ABCC4: variants seen among roughly 807,000 people sequenced by gnomAD.
ABCC4 encodes the protein ATP binding cassette subfamily C member 4 (PEL blood group).
Under a neutral mutation model 168.5 loss-of-function variants are expected in ABCC4, and 102 were observed. The ratio of observed to expected loss-of-function variants is 0.61; its 90% CI spans 0.52 to 0.71. The LOEUF (loss-of-function observed/expected upper bound fraction) is 0.71, where lower values mean the gene tolerates loss of function less well. Among genes scored for constraint, ABCC4 ranks in the 30% least tolerant of loss-of-function variants. ABCC4 has a pLI of 0.00. For missense variants in ABCC4, 1,402 were observed against 1,605.8 expected (o/e 0.87, Z 2.17); for synonymous variants, 617 against 590.7 (o/e 1.04, Z -0.65).
chr13:95,185,334 T>C (rs1159862202), intron 11 of ABCC4, among the ~76,000 whole-genome samples: 1 of 152,200 alleles, frequency 6.6e-6, no homozygotes, highest in Non-Finnish European at 1.5e-5. Flanking sequence ...GTGTATACTA[T>C]TCAATAAAAA....
chr13:95,190,283 G>A (rs2038213689), intron 9 of ABCC4, among the ~76,000 whole-genome samples: 1 of 152,172 alleles, frequency 6.6e-6, no homozygotes, highest in Admixed American at 6.5e-5. Flanking sequence ...AGGTTGCAGT[G>A]AGCCAAGATT....
chr13:95,201,088 A>C (rs4148476), intron 8 of ABCC4, among the ~76,000 whole-genome samples: 21,972 of 152,106 alleles, frequency 0.14, 1,800 homozygotes, highest in South Asian at 0.19. Context: ...AACTATGTAC[A>C]TGAGGGGAAA....
intron 23 of ABCC4, among the ~76,000 whole-genome samples, chr13:95,073,811 G>A (rs2033809981): frequency 6.6e-6 from 1 of 152,164 alleles, no homozygotes; most frequent in Admixed American, 6.5e-5. Flanking sequence ...TGGCATTGAA[G>A]ATAATACTCT....
chr13:95,218,282 T>C (rs921783709), intron 4 of ABCC4, among the ~76,000 whole-genome samples: 1 of 152,332 alleles, frequency 6.6e-6, no homozygotes, highest in East Asian at 1.9e-4. Flanking sequence ...CTTTAATGAC[T>C]GCACAATCTA....
chr13:95,149,148 C>G (rs2036594231), intron 19 of ABCC4, among the ~76,000 whole-genome samples: 1 of 152,126 alleles, frequency 6.6e-6, no homozygotes, highest in Admixed American at 6.6e-5. Flanking sequence ...TTTTATTACC[C>G]CGGCTATTTA....
intron 19 of ABCC4, among the ~76,000 whole-genome samples, chr13:95,116,938 G>C (rs2139414683): frequency 6.6e-6 from 1 of 152,274 alleles, no homozygotes; most frequent in East Asian, 1.9e-4. Context: ...GGGTTTGTCA[G>C]GATTGACTTC....
At chr13:95,167,262 C>T (rs987755180) in intron 14 of ABCC4, among the ~76,000 whole-genome samples, 20 of 152,126 alleles carry the variant, frequency 1.3e-4, no homozygotes, top group African/African-American at 4.6e-4. Flanking sequence ...GAAAATTCGA[C>T]ATTCCATGGG....
intron 19 of ABCC4, among the ~76,000 whole-genome samples, chr13:95,117,889 A>G (rs1197829288): frequency 6.6e-6 from 1 of 152,100 alleles, no homozygotes; most frequent in Non-Finnish European, 1.5e-5. Flanking sequence ...GACCAGCCTG[A>G]GCAACATAGC....
chr13:95,179,103 G>A (rs1451772139), intron 11 of ABCC4, among the ~76,000 whole-genome samples: 1 of 152,204 alleles, frequency 6.6e-6, no homozygotes, highest in Non-Finnish European at 1.5e-5. Flanking sequence ...GGATAAGTGA[G>A]TCTGGAGGTC....
At chr13:95,153,561 T>C (rs533460289) in intron 19 of ABCC4, among the ~76,000 whole-genome samples, 13 of 152,292 alleles carry the variant, frequency 8.5e-5, no homozygotes, top group African/African-American at 2.9e-4. Context: ...TTAAGTAAAA[T>C]GTCATCTTAT....
intron 19 of ABCC4, among the ~76,000 whole-genome samples, chr13:95,134,159 C>T (rs1285554402): frequency 6.6e-6 from 1 of 152,130 alleles, no homozygotes; most frequent in African/African-American, 2.4e-5. Flanking sequence ...TCCTAGCCCT[C>T]TGTGAGCTTG....
chr13:95,293,087 C>G (rs769100012), intron 1 of ABCC4, among the ~76,000 whole-genome samples: 2 of 152,094 alleles, frequency 1.3e-5, no homozygotes, highest in Non-Finnish European at 2.9e-5. Context: ...GACATCTCAT[C>G]CCCTGCCAGG....
intron 5 of ABCC4, among the ~76,000 whole-genome samples, chr13:95,210,290 G>A (rs1053161956): frequency 2.0e-5 from 3 of 152,148 alleles, no homozygotes; most frequent in African/African-American, 4.8e-5. Context: ...ACCAGCCTGC[G>A]CAACAAGGCG....
At chr13:95,104,636 T>C (rs904815161) in intron 20 of ABCC4, among the ~76,000 whole-genome samples, 3 of 152,250 alleles carry the variant, frequency 2.0e-5, no homozygotes, top group African/African-American at 7.2e-5. Context: ...ATCTTTCTTG[T>C]GGCATTCCTG....
intron 20 of ABCC4, among the ~76,000 whole-genome samples, chr13:95,085,916 G>C (rs1342064440): frequency 2.0e-5 from 3 of 152,194 alleles, no homozygotes; most frequent in African/African-American, 7.2e-5. Flanking sequence ...GAGAGGTTCA[G>C]TAACTTCCTC....
Position 95,207,889 on chromosome 13 carries a change from C to T in ABCC4, c.822G>A (p.Arg274=), listed in dbSNP as rs2038827094. 6.2e-7 allele frequency: 1 copy of T among 1,613,812 alleles called. No homozygotes were observed. The highest frequency in any genetic ancestry group is 1.7e-5 in the Admixed American group (1 of 59,874). ...KTATFTDARI[R]TMNEVITGIR... ...TACCAGTTATAACTTCATTCATGGT[C>T]CTGATCCTGGCATCCGTGAAAGTTG... is the stretch of plus-strand genomic sequence containing the variant. Residue 274 remains arginine, a synonymous_variant, in exon 7 of 31, where the codon AGG becomes AGA. Transcript: ENST00000645237.
In ABCC4 at chr13:95,105,375, G is replaced by A. The variant is rs1334748024; in HGVS notation, c.2535+10547C>T. ...CAGACTAGTACTGGTCTGTGGCCCA[G>A]GGGTTGGGGACCACTGGATTAGTCA... On this transcript the variant is annotated intron_variant, in intron 20 of 30. Coordinates refer to ENST00000645237, the MANE Select transcript of ABCC4 (RefSeq NM_005845.5). Among the ~76,000 whole-genome samples the A allele has an allele frequency of 2.6e-5, 4 of 152,072 alleles. No individual in the cohort carries two copies. The East Asian group carries it at 7.7e-4, about 29-fold the overall frequency.
intron 20 of ABCC4, among the ~76,000 whole-genome samples, chr13:95,102,650 T>A (rs1328762068): frequency 6.8e-6 from 1 of 147,212 alleles, no homozygotes; most frequent in East Asian, 2.0e-4. Context: ...TTTTTTTAGA[T>A]CGAGTCTCGC....
At chr13:95,162,105 C>T (rs1319785248) in intron 18 of ABCC4, among the ~76,000 whole-genome samples, 1 of 152,170 alleles carries the variant, frequency 6.6e-6, no homozygotes, top group Non-Finnish European at 1.5e-5. Context: ...GATGACATGT[C>T]ACTGTTATTT....
Sources: allele counts gnomAD v4.1 joint callset (sites outside exome capture counted in the v4.1 genomes callset), GRCh38; gene constraint gnomAD v4.1.1; transcripts MANE v1.5; gene names NCBI Gene and HGNC (gene_info 2026-07-23, HGNC 2026-07-21).